CFAP299: variants seen among roughly 807,000 people sequenced by gnomAD.
The protein encoded by CFAP299 is cilia and flagella associated protein 299, also known as cilia- and flagella-associated protein 299.
In CFAP299, 21 loss-of-function variants were observed where a neutral mutation model predicts 27.0. The observed-to-expected ratio is 0.78, with a 90% CI of 0.55 to 1.12. The LOEUF is 1.12. Ranked by LOEUF, CFAP299 falls within the 50% of genes most tolerant of loss-of-function variation. The probability of loss-of-function intolerance (pLI) is 0.00; values close to 1 mark genes in which losing one functional copy is unlikely to be tolerated. For missense variants in CFAP299, 310 were observed against 276.6 expected (o/e 1.12, Z -0.86); for synonymous variants, 104 against 98.1 (o/e 1.06, Z -0.36).
chr4:80,767,426 G>A (rs974029662), intron 3 of CFAP299, among the ~76,000 whole-genome samples: 1 of 151,974 alleles, frequency 6.6e-6, no homozygotes, highest in Non-Finnish European at 1.5e-5. Context: ...TGGCTAACAT[G>A]GTGAAACCCT....
At chr4:80,688,348 C>T (rs10002229) in intron 3 of CFAP299, among the ~76,000 whole-genome samples, 108,083 of 152,070 alleles carry the variant, frequency 0.71, 41,624 homozygotes, top group Non-Finnish European at 0.85. Flanking sequence ...GATCTGAGAA[C>T]GGGCAGAATG....
chr4:80,384,445 A>G (rs1724866251), intron 2 of CFAP299, among the ~76,000 whole-genome samples: 1 of 152,110 alleles, frequency 6.6e-6, no homozygotes, highest in Non-Finnish European at 1.5e-5. Context: ...GTAATGTTTC[A>G]CTTGTAATTT....
chr4:80,920,323 A>G (rs1427800472), intron 4 of CFAP299, among the ~76,000 whole-genome samples: 1 of 152,126 alleles, frequency 6.6e-6, no homozygotes, highest in African/African-American at 2.4e-5. Flanking sequence ...CAAATGGAAC[A>G]TTGAACCAAA....
chr4:80,423,655 G>A (rs959685151), intron 2 of CFAP299, among the ~76,000 whole-genome samples: 4 of 152,124 alleles, frequency 2.6e-5, no homozygotes, highest in Admixed American at 6.5e-5. Context: ...CTCAGCTGGC[G>A]GCTGGGCCAG....
At chr4:80,321,445 A>G in the CFAP299 span, among the ~76,000 whole-genome samples, 2 of 152,124 alleles carry the variant, frequency 1.3e-5, no homozygotes, top group African/African-American at 4.8e-5. Context: ...ATGCGGTGTG[A>G]GGTCTGCTCC....
At chr4:80,543,333 T>A (rs986034436) in intron 2 of CFAP299, among the ~76,000 whole-genome samples, 2 of 152,126 alleles carry the variant, frequency 1.3e-5, no homozygotes, top group African/African-American at 4.8e-5. Context: ...TTATACCAGC[T>A]CCCCAGCAAT....
chr4:80,353,100 G>A (rs913928018), intron 1 of CFAP299, among the ~76,000 whole-genome samples: 1 of 152,096 alleles, frequency 6.6e-6, no homozygotes, highest in African/African-American at 2.4e-5. Flanking sequence ...AAATAATAGA[G>A]ATCAATGCTA....
intron 2 of CFAP299, among the ~76,000 whole-genome samples, chr4:80,544,587 G>C (rs1003493753): frequency 6.6e-6 from 1 of 152,114 alleles, no homozygotes; most frequent in Non-Finnish European, 1.5e-5. Context: ...AGATAAAACA[G>C]AATTTAAACC....
chr4:80,909,992 G>T (rs571237735), intron 4 of CFAP299, among the ~76,000 whole-genome samples: 1 of 152,082 alleles, frequency 6.6e-6, no homozygotes, highest in South Asian at 2.1e-4. Context: ...TTAAAAATCC[G>T]CACATTGAAA....
intron 3 of CFAP299, among the ~76,000 whole-genome samples, chr4:80,862,300 G>A (rs1413014209): frequency 6.6e-6 from 1 of 152,102 alleles, no homozygotes; most frequent in Non-Finnish European, 1.5e-5. Flanking sequence ...AAACTGGGAA[G>A]CAGAGGTTGC....
At chr4:80,909,674 A>G (rs1005060197) in intron 4 of CFAP299, among the ~76,000 whole-genome samples, 1 of 151,884 alleles carries the variant, frequency 6.6e-6, no homozygotes, top group African/African-American at 2.4e-5. Flanking sequence ...TAAACTTTAA[A>G]CGGGATAAGA....
At chr4:80,963,190 T>C (rs1738430680) in intron 5 of CFAP299, among the ~76,000 whole-genome samples, 1 of 152,058 alleles carries the variant, frequency 6.6e-6, no homozygotes. Context: ...TACCCTGAAG[T>C]CACATGTGTT....
At chr4:80,574,767 A>T (rs545400520) in intron 2 of CFAP299, among the ~76,000 whole-genome samples, 1 of 152,204 alleles carries the variant, frequency 6.6e-6, no homozygotes, top group East Asian at 1.9e-4. Flanking sequence ...ACATTAATTG[A>T]TTTTCATATG....
At chr4:80,497,127 A>G (rs554339815) in intron 2 of CFAP299, among the ~76,000 whole-genome samples, 2 of 152,204 alleles carry the variant, frequency 1.3e-5, no homozygotes, top group Admixed American at 1.3e-4. Context: ...CTATATAAAC[A>G]GGCATGGTGG....
At chr4:80,800,423 T>G (rs1728408138) in intron 3 of CFAP299, among the ~76,000 whole-genome samples, 1 of 62,614 alleles carries the variant, frequency 1.6e-5, no homozygotes, top group African/African-American at 6.9e-5. Flanking sequence ...ATTAATATAA[T>G]ATATATAATA....
intron 2 of CFAP299, chr4:80,388,317 A>G (rs999880441): frequency 5.8e-6 from 4 of 688,182 alleles, no homozygotes; most frequent in African/African-American, 3.6e-5. Context: ...TTGCTTACCA[A>G]GATGTTCCCC....
chr4:80,679,510 A>G (rs1330208165), intron 3 of CFAP299, among the ~76,000 whole-genome samples: 1 of 152,036 alleles, frequency 6.6e-6, no homozygotes, highest in African/African-American at 2.4e-5. Context: ...TATTTTCCAG[A>G]GTGTTTATAC....
At chr4:80,635,175 T>G (rs971910772) in intron 3 of CFAP299, among the ~76,000 whole-genome samples, 1 of 152,124 alleles carries the variant, frequency 6.6e-6, no homozygotes, top group Non-Finnish European at 1.5e-5. Flanking sequence ...ATGAATTTAG[T>G]GCAGTTTACA....
At chr4:80,956,976 T>C (rs1738102980) in intron 5 of CFAP299, among the ~76,000 whole-genome samples, 1 of 152,152 alleles carries the variant, frequency 6.6e-6, no homozygotes, top group Non-Finnish European at 1.5e-5. Context: ...CTCTTTCTGA[T>C]AGCTTTCATT....
Sources: allele counts gnomAD v4.1 joint callset (sites outside exome capture counted in the v4.1 genomes callset), GRCh38; gene constraint gnomAD v4.1.1; transcripts MANE v1.5; gene names NCBI Gene and HGNC (gene_info 2026-07-23, HGNC 2026-07-21).